Variants in CRTAC1 observed in about 807,000 individuals in gnomAD.
CRTAC1 encodes the protein acidic secreted protein in cartilage.
A neutral mutation model predicts 67.8 loss-of-function variants in CRTAC1; 37 were observed. The ratio of observed to expected loss-of-function variants is 0.55; its 90% CI spans 0.42 to 0.72. The LOEUF (loss-of-function observed/expected upper bound fraction) is 0.72. Among genes scored for constraint, CRTAC1 ranks in the 30% least tolerant of loss-of-function variants. The pLI is 0.00. For synonymous variants in CRTAC1, 348 were observed against 371.0 expected, an observed-to-expected ratio of 0.94 and a Z score of 0.71; for missense variants, 780 against 931.6, an observed-to-expected ratio of 0.84 and a Z score of 2.12.
chr10:97,932,419 C>A (rs1193464712), intron 3 of CRTAC1, among the ~76,000 whole-genome samples: 1 of 152,154 alleles, frequency 6.6e-6, no homozygotes, highest in Non-Finnish European at 1.5e-5. Flanking sequence ...GAAAAAGGCA[C>A]CCCCATGGAA....
Position 98,029,592 on chromosome 10 carries a change from A to G in CRTAC1, c.24+857T>C, listed in dbSNP as rs902332526. Among the ~76,000 whole-genome samples, 2 of 151,748 alleles carry G rather than the reference A, an allele frequency of 1.3e-5. No homozygotes were observed. Among genetic ancestry groups the G allele is most frequent in the African/African-American group, 4.8e-5 (2 of 41,320 alleles). ...CCCCCCCAGCTCTCAACCCTAGGAG[A>G]ATTTCCCCGCCACTCTGGGAGGCTT... On this transcript the variant is annotated intron_variant, in intron 1 of 14. Transcript: ENST00000370597. The surrounding 1 kb of genome is among the most constrained non-coding windows in gnomAD (Gnocchi z 4.7).
At chr10:97,970,665 T>G (rs2051693696) in intron 2 of CRTAC1, among the ~76,000 whole-genome samples, 1 of 152,198 alleles carries the variant, frequency 6.6e-6, no homozygotes, top group African/African-American at 2.4e-5. Context: ...CTTTCCCACT[T>G]TAACTTTTCT....
intron 3 of CRTAC1, among the ~76,000 whole-genome samples, chr10:97,928,774 A>C (rs2050958855): frequency 6.6e-6 from 1 of 152,066 alleles, no homozygotes; most frequent in Non-Finnish European, 1.5e-5. Flanking sequence ...TGGCGAGAAA[A>C]AGGCACAGAG....
chr10:97,934,051 T>C (rs2051043862), intron 3 of CRTAC1, among the ~76,000 whole-genome samples: 2 of 152,164 alleles, frequency 1.3e-5, no homozygotes, highest in Admixed American at 1.3e-4. Flanking sequence ...AGATACCTGG[T>C]GGCTGCCACT....
chr10:97,934,019 G>A (rs2051043374), intron 3 of CRTAC1, among the ~76,000 whole-genome samples: 1 of 152,184 alleles, frequency 6.6e-6, no homozygotes, highest in Non-Finnish European at 1.5e-5. Flanking sequence ...AAGAGCGTGG[G>A]AGGGGCTGCT....
At chr10:97,981,488 A>C (rs1307117016) in intron 2 of CRTAC1, among the ~76,000 whole-genome samples, 2 of 152,226 alleles carry the variant, frequency 1.3e-5, no homozygotes, top group Admixed American at 1.3e-4. Context: ...ATGACCACAT[A>C]ATATCTCATC....
At chr10:98,014,584 A>G (rs993840986) in intron 1 of CRTAC1, among the ~76,000 whole-genome samples, 1 of 152,252 alleles carries the variant, frequency 6.6e-6, no homozygotes, top group Non-Finnish European at 1.5e-5. Context: ...ATTAATATCC[A>G]GAATATATAA....
chr10:97,939,840 G>A (rs2051146373), intron 2 of CRTAC1, among the ~76,000 whole-genome samples: 1 of 152,134 alleles, frequency 6.6e-6, no homozygotes, highest in South Asian at 2.1e-4. Flanking sequence ...CCTGCTGGAT[G>A]TGACCTTCTC....
At chr10:97,911,153 C>T (rs1435541804) in intron 5 of CRTAC1, among the ~76,000 whole-genome samples, 1 of 152,232 alleles carries the variant, frequency 6.6e-6, no homozygotes, top group Admixed American at 6.5e-5. Flanking sequence ...AATCCCTCAG[C>T]CCTGCCCGGG....
At chr10:98,018,474 G>A (rs948216057) in intron 1 of CRTAC1, among the ~76,000 whole-genome samples, 5 of 152,166 alleles carry the variant, frequency 3.3e-5, no homozygotes, top group Admixed American at 3.3e-4. Context: ...TTGACATAGA[G>A]AGCTGAAAGG....
intron 1 of CRTAC1, among the ~76,000 whole-genome samples, chr10:98,026,368 T>G (rs1451726071): frequency 6.6e-6 from 1 of 152,182 alleles, no homozygotes; most frequent in African/African-American, 2.4e-5. Context: ...CTGGACAATT[T>G]CCTGTTTCTC....
intron 1 of CRTAC1, among the ~76,000 whole-genome samples, chr10:98,011,838 T>C (rs1275570800): frequency 3.9e-5 from 6 of 152,142 alleles, no homozygotes; most frequent in Admixed American, 3.3e-4. Flanking sequence ...CAAAGGCATT[T>C]CCCATACTCT....
intron 11 of CRTAC1, among the ~76,000 whole-genome samples, chr10:97,891,627 C>T (rs1239385358): frequency 2.0e-5 from 3 of 152,354 alleles, no homozygotes; most frequent in Non-Finnish European, 4.4e-5. Context: ...TGCCTCTTTC[C>T]CCATGTCTCT....
intron 2 of CRTAC1, among the ~76,000 whole-genome samples, chr10:97,970,439 C>A (rs2051689262): frequency 6.6e-6 from 1 of 152,228 alleles, no homozygotes; most frequent in Non-Finnish European, 1.5e-5. Flanking sequence ...GACTGAGCAA[C>A]CTGTCCTCAG....
At chr10:97,945,820 A>T (rs981926385) in intron 2 of CRTAC1, among the ~76,000 whole-genome samples, 3 of 152,210 alleles carry the variant, frequency 2.0e-5, no homozygotes, top group African/African-American at 7.2e-5. Context: ...TTTTTCAAGA[A>T]AGGGATGGTT....
intron 2 of CRTAC1, among the ~76,000 whole-genome samples, chr10:97,950,298 A>G (rs1201991912): frequency 1.5e-5 from 2 of 136,464 alleles, no homozygotes; most frequent in East Asian, 4.1e-4. Flanking sequence ...GAGTATGGCT[A>G]TTATCTGTAG....
At position 98,014,559 on chromosome 10, in the gene CRTAC1, T is replaced by G. The variant is rs565002297; in HGVS notation, c.25-3222A>C. Among the ~76,000 whole-genome samples, 6 of 152,314 alleles carry G rather than the reference T, an allele frequency of 3.9e-5. No individual in the cohort carries two copies. In the South Asian group the frequency reaches 1.2e-3, roughly 32 times the overall value. ...AATGGGAGAAAATATTTGCAAATCA[T>G]ATATCTAACAAGGTATTAATATCCA... is the stretch of plus-strand genomic sequence containing the variant. On this transcript the variant is annotated intron_variant, in intron 1 of 14. Transcript: ENST00000370597.
At chr10:97,880,130 A>C (rs1240635337) in intron 14 of CRTAC1, 119 bp downstream of exon 14, 15 of 1,216,364 alleles carry the variant, frequency 1.2e-5, no homozygotes, top group Non-Finnish European at 1.6e-5. Context: ...GGGTCAAAGG[A>C]GACTCTATCC....
chr10:97,931,312 A>C (rs2051000499), intron 3 of CRTAC1, among the ~76,000 whole-genome samples: 1 of 152,236 alleles, frequency 6.6e-6, no homozygotes, highest in Non-Finnish European at 1.5e-5. Context: ...ATGTATATTC[A>C]TTTGAGACAG....
Sources: gnomAD v4.1 joint callset for allele counts (sites outside exome capture counted in the v4.1 genomes callset) on GRCh38, gnomAD v4.1.1 for gene constraint, Gnocchi (gnomAD v3.1) non-coding constraint, MANE v1.5 for transcripts, NCBI Gene and HGNC (gene_info 2026-07-23, HGNC 2026-07-21) for gene names.